SDK1: variants seen among roughly 807,000 people sequenced by gnomAD.
SDK1 encodes sidekick cell adhesion molecule 1, also known as protein sidekick-1.
SDK1 carries 157 observed loss-of-function variants against 245.5 expected under a neutral mutation model. That is an observed-to-expected ratio of 0.64 (90% CI 0.56 to 0.73). The LOEUF (loss-of-function observed/expected upper bound fraction) is 0.73. Ranked by LOEUF, SDK1 falls within the 30% of genes least tolerant of loss-of-function variation. SDK1 has a pLI of 0.00. For synonymous variants in SDK1, 1,647 were observed against 1,278.5 expected, an observed-to-expected ratio of 1.29 and a Z score of -6.15; for missense variants, 3,583 against 3,002.3, an observed-to-expected ratio of 1.19 and a Z score of -4.52.
intron 40 of SDK1, chr7:4,227,446 A>T: frequency 2.1e-6 from 1 of 470,766 alleles, no homozygotes; most frequent in Non-Finnish European, 4.4e-6. Flanking sequence ...TTTTTAAATC[A>T]GATGTATTTA....
At chr7:3,414,341 G>T (rs1396057092) in intron 1 of SDK1, among the ~76,000 whole-genome samples, 1 of 152,138 alleles carries the variant, frequency 6.6e-6, no homozygotes, top group Admixed American at 6.5e-5. Context: ...GAGGAGGAGA[G>T]TGCTGGGTTT....
At chr7:3,314,897 C>CT (rs34081605) in intron 1 of SDK1, among the ~76,000 whole-genome samples, 40,068 of 148,444 alleles carry the variant, frequency 0.27, 5,416 homozygotes, top group East Asian at 0.42. Context: ...GCAACAAAAA[C>CT]TTTTTTTTTT....
intron 1 of SDK1, among the ~76,000 whole-genome samples, chr7:3,428,945 G>GT (rs1779752446): frequency 2.0e-5 from 3 of 152,216 alleles, no homozygotes. Flanking sequence ...GCAGCAGTGG[G>GT]TAGGGATGTT....
At chr7:3,361,735 G>A (rs985806301) in intron 1 of SDK1, among the ~76,000 whole-genome samples, 1 of 152,156 alleles carries the variant, frequency 6.6e-6, no homozygotes, top group Non-Finnish European at 1.5e-5. Context: ...TTTATTGCAG[G>A]TTTATTAGTG....
At chr7:3,650,716 C>T (rs993447947) in intron 4 of SDK1, among the ~76,000 whole-genome samples, 15 of 152,160 alleles carry the variant, frequency 9.9e-5, no homozygotes, top group African/African-American at 3.6e-4. Flanking sequence ...TTGCCCTCAT[C>T]CCCTTCTTAA....
At chr7:3,929,016 T>C (rs1223482383) in intron 5 of SDK1, among the ~76,000 whole-genome samples, 1 of 152,232 alleles carries the variant, frequency 6.6e-6, no homozygotes, top group Non-Finnish European at 1.5e-5. Flanking sequence ...TTATTCTTTC[T>C]CAGTGTCACC....
intron 35 of SDK1, among the ~76,000 whole-genome samples, chr7:4,191,796 C>G (rs534080905): frequency 6.6e-6 from 1 of 152,360 alleles, no homozygotes; most frequent in African/African-American, 2.4e-5. Flanking sequence ...AGAAGCTGGG[C>G]TATCCCCACA....
chr7:3,846,360 G>A (rs560623391), intron 5 of SDK1, among the ~76,000 whole-genome samples: 5 of 152,246 alleles, frequency 3.3e-5, no homozygotes, highest in Admixed American at 6.5e-5. Flanking sequence ...ATGTGCTTGG[G>A]GAATTCCAGC....
intron 32 of SDK1, among the ~76,000 whole-genome samples, chr7:4,164,044 G>A (rs957871509): frequency 6.6e-6 from 1 of 152,180 alleles, no homozygotes; most frequent in South Asian, 2.1e-4. Context: ...AAGGGATCCA[G>A]CTTCTCTGGG....
chr7:4,159,063 C>G (rs1029923869), intron 31 of SDK1, among the ~76,000 whole-genome samples: 2 of 152,180 alleles, frequency 1.3e-5, no homozygotes, highest in Admixed American at 6.5e-5. Flanking sequence ...CTCTATCAGC[C>G]GCGTCCAGCG....
intron 25 of SDK1, among the ~76,000 whole-genome samples, chr7:4,122,768 A>G (rs1488474081): frequency 6.6e-6 from 1 of 152,230 alleles, no homozygotes; most frequent in Non-Finnish European, 1.5e-5. Flanking sequence ...GGAATTCCCA[A>G]GAACATCTCA....
intron 1 of SDK1, among the ~76,000 whole-genome samples, chr7:3,608,005 C>A (rs1280421857): frequency 6.6e-6 from 1 of 152,210 alleles, no homozygotes; most frequent in Non-Finnish European, 1.5e-5. Flanking sequence ...TACTTTGTCC[C>A]CTTGTTGAGC....
At chr7:3,430,871 C>T (rs1779825107) in intron 1 of SDK1, among the ~76,000 whole-genome samples, 1 of 152,156 alleles carries the variant, frequency 6.6e-6, no homozygotes, top group South Asian at 2.1e-4. Context: ...TTCAGCTTTC[C>T]TGCCTCTGGC....
intron 29 of SDK1, among the ~76,000 whole-genome samples, chr7:4,146,155 G>GCTCTCTCAGACATGTGAGCATTGCA (rs1779960289): frequency 7.4e-6 from 1 of 134,818 alleles, no homozygotes; most frequent in African/African-American, 2.7e-5. Flanking sequence ...TGAGCACTGC[G>GCTCTCTCAGACATGTGAGCATTGCA]TTCACACCTT....
chr7:3,977,907 A>G (rs957990334), intron 13 of SDK1, among the ~76,000 whole-genome samples: 2 of 152,224 alleles, frequency 1.3e-5, no homozygotes, highest in Non-Finnish European at 2.9e-5. Flanking sequence ...TTGGTGGCCC[A>G]TTGGCGGGCC....
At chr7:3,362,495 G>A (rs985731067) in intron 1 of SDK1, among the ~76,000 whole-genome samples, 2 of 152,060 alleles carry the variant, frequency 1.3e-5, no homozygotes, top group Admixed American at 1.3e-4. Context: ...CATATCTAAA[G>A]GAATGCCAAT....
At chr7:3,754,215 T>A (rs1779854498) in intron 4 of SDK1, among the ~76,000 whole-genome samples, 1 of 152,246 alleles carries the variant, frequency 6.6e-6, no homozygotes, top group African/African-American at 2.4e-5. Flanking sequence ...GTTGTCTTGC[T>A]TCATACCCCA....
At chr7:3,368,495 A>T (rs1293490504) in intron 1 of SDK1, among the ~76,000 whole-genome samples, 7 of 152,126 alleles carry the variant, frequency 4.6e-5, no homozygotes, top group African/African-American at 1.7e-4. Context: ...GAGTAGGGGG[A>T]TGGAGTGAAA....
chr7:3,423,439 C>G (rs1273193988), intron 1 of SDK1, among the ~76,000 whole-genome samples: 1 of 152,064 alleles, frequency 6.6e-6, no homozygotes, highest in Admixed American at 6.6e-5. Context: ...AAGAGAACTT[C>G]TTGGGATAAG....
Sources: allele counts gnomAD v4.1 joint callset (sites outside exome capture counted in the v4.1 genomes callset), GRCh38; gene constraint gnomAD v4.1.1; transcripts MANE v1.5; gene names NCBI Gene and HGNC (gene_info 2026-07-23, HGNC 2026-07-21).